The following BRWD3 variants were observed in gnomAD, a reference collection of about 807,000 sequenced individuals.
BRWD3 encodes the protein bromodomain and WD repeat domain containing 3, also known as bromodomain and WD repeat-containing protein 3.
In BRWD3, 10 loss-of-function variants were observed where a neutral mutation model predicts 149.7. The observed-to-expected ratio is 0.07, with a 90% CI of 0.04 to 0.11. The LOEUF (loss-of-function observed/expected upper bound fraction) is 0.11, where lower values mean the gene tolerates loss of function less well. Ranked by LOEUF, BRWD3 falls within the 10% of genes least tolerant of loss-of-function variation. The pLI is 1.00. For synonymous variants in BRWD3, 504 were observed against 456.7 expected (o/e 1.10, Z -1.32); for missense variants, 940 against 1,373.2 (o/e 0.68, Z 4.99).
chrX:80,720,585 TA>T (rs1319908663), intron 17 of BRWD3, among the ~76,000 whole-genome samples: 1 of 111,345 alleles, frequency 9.0e-6, no homozygotes, highest in Admixed American at 9.5e-5. Flanking sequence ...CCAAAAAACC[TA>T]AAAAGTGTTT....
At chrX:80,794,198 T>C (rs1438672246) in intron 4 of BRWD3, among the ~76,000 whole-genome samples, 1 of 109,381 alleles carries the variant, frequency 9.1e-6, no homozygotes, top group Non-Finnish European at 1.9e-5. Flanking sequence ...ATAAAAAAAA[T>C]AAAAATAAAT....
Position 80,695,960 on chromosome X carries a change from G to A in BRWD3, c.3099C>T (p.Phe1033=). ...KYHDMPDVID[F]LVLHQFYNEA... Reference sequence around the variant, plus strand: ...CATTATAAAACTGATGTAGCACAAGGAAGTCAATGACATCCGGCATGTCAT... The same window carrying A: ...CATTATAAAACTGATGTAGCACAAGAAAGTCAATGACATCCGGCATGTCAT... The change falls in exon 27 of 41, where the codon TTC becomes TTT. Residue 1033 remains phenylalanine, a synonymous_variant. Transcript: ENST00000373275. 1 of 1,209,583 alleles carries A rather than the reference G, an allele frequency of 8.3e-7. No homozygotes were observed. The highest frequency in any genetic ancestry group is 1.1e-6 in the Non-Finnish European group (1 of 893,914).
chrX:80,696,519 T>TAAAC (rs2072695853), intron 26 of BRWD3, among the ~76,000 whole-genome samples: 1 of 82,175 alleles, frequency 1.2e-5, no homozygotes, highest in Non-Finnish European at 2.4e-5. Context: ...ATAACATAAA[T>TAAAC]ACACACACAC....
intron 22 of BRWD3, among the ~76,000 whole-genome samples, 161 bp from the exon 23 acceptor site, chrX:80,705,007 C>T (rs913613325): frequency 8.9e-6 from 1 of 111,751 alleles, no homozygotes; most frequent in Non-Finnish European, 1.9e-5. Flanking sequence ...GTGGCTCACA[C>T]CTGTAATCCC....
intron 6 of BRWD3, among the ~76,000 whole-genome samples, chrX:80,768,402 C>A (rs1228172544): frequency 8.9e-6 from 1 of 111,759 alleles, no homozygotes; most frequent in Non-Finnish European, 1.9e-5. Context: ...CTCTACAAGC[C>A]AGAAGAGATT....
At position 80,744,227 on chromosome X, in the gene BRWD3, A is replaced by G; in HGVS notation, c.618T>C (p.Ile206=). Residue 206 remains isoleucine (I), a synonymous_variant, in exon 8 of 41, where the codon ATT becomes ATC. Transcript: ENST00000373275. ...FTGSDDCLVK[I]WATDDGRLLA... ...GAAGGCGTCCATCATCTGTAGCCCA[A>G]ATTTTTACTAAACAGTCATCTGAAC... 1 of 1,209,382 alleles carries G rather than the reference A, an allele frequency of 8.3e-7. No individual in the cohort carries two copies. The highest frequency in any genetic ancestry group is 1.1e-6 in the Non-Finnish European group (1 of 893,213).
chrX:80,712,986 C>T (rs1205580638), intron 20 of BRWD3, among the ~76,000 whole-genome samples: 24 of 108,085 alleles, frequency 2.2e-4, no homozygotes, highest in African/African-American at 4.7e-4. Flanking sequence ...GGAGCGTCTC[C>T]GCCCGGCAGC....
At chrX:80,713,727 G>A (rs1180378788) in intron 20 of BRWD3, among the ~76,000 whole-genome samples, 3 of 111,452 alleles carry the variant, frequency 2.7e-5, no homozygotes, top group Admixed American at 9.4e-5. Context: ...ATAAATCTTA[G>A]ATTACTTCTA....
chrX:80,705,531 G>A (rs976285647), intron 22 of BRWD3, among the ~76,000 whole-genome samples: 2 of 111,042 alleles, frequency 1.8e-5, no homozygotes, highest in Non-Finnish European at 3.8e-5. Flanking sequence ...GTTAACAAAG[G>A]GGATACTTTC....
intron 34 of BRWD3, 73 bp downstream of exon 34, chrX:80,687,996 G>T: frequency 1.3e-6 from 1 of 748,844 alleles, no homozygotes; most frequent in Non-Finnish European, 2.1e-6. Context: ...TCCAAATATG[G>T]GGTTGGTCTT....
intron 4 of BRWD3, among the ~76,000 whole-genome samples, chrX:80,804,054 A>C (rs1602457191): frequency 2.7e-5 from 3 of 112,534 alleles, no homozygotes. Context: ...AATAACAAAC[A>C]ATCTTTATAA....
In BRWD3 at chrX:80,784,299, T is replaced by C. The variant is rs145119587; in HGVS notation, c.430+7555A>G. Among the ~76,000 whole-genome samples, 857 of 112,006 alleles carry C rather than the reference T, an allele frequency of 7.7e-3. 3 individuals carry two copies. Among genetic ancestry groups the C allele is most frequent in the Non-Finnish European group, 0.012 (630 of 53,228 alleles). On this transcript the variant is annotated intron_variant, in intron 6 of 40. Coordinates refer to ENST00000373275, the MANE Select transcript of BRWD3 (RefSeq NM_153252.5). ...TCTAGGTAATTTTATAAAAACTGTT[T>C]AGATTATGATAATTAGGAAAATTCC...
chrX:80,705,725 C>T (rs191755490), intron 22 of BRWD3, among the ~76,000 whole-genome samples: 1 of 111,715 alleles, frequency 9.0e-6, no homozygotes, highest in Admixed American at 9.5e-5. Flanking sequence ...TAACACAATG[C>T]TAAGTATATA....
rs1471539969 is a variant in BRWD3 at position 80,682,493 on chromosome X, T to C, written c.4369A>G (p.Ser1457Gly). 8.3e-7 allele frequency: 1 copy of C among 1,210,687 alleles called. No individual in the cohort carries two copies. ...RYRKRLRSSS[S>G]SLSSSGAPSP... Reference sequence around the variant, plus strand: ...GGTGCTCCACTACTAGATAATGAACTGCTGCTGCTTCTTAGACGTTTTCTG... The same window carrying C: ...GGTGCTCCACTACTAGATAATGAACCGCTGCTGCTTCTTAGACGTTTTCTG... Residue 1457 changes from serine (S) to glycine (G), a missense_variant, in exon 38 of 41, where the codon AGT (serine) becomes GGT (glycine). Coordinates refer to ENST00000373275, the MANE Select transcript of BRWD3 (RefSeq NM_153252.5).
At position 80,709,901 on chromosome X, in the gene BRWD3, T is replaced by A. The variant is rs2072935662; in HGVS notation, c.2326-324A>T. 7 of 704,508 alleles carry A rather than the reference T, an allele frequency of 9.9e-6. No homozygotes were observed. The South Asian group carries it at 1.6e-4, about 16-fold the overall frequency. The allele number at this position is 704,508 out of a possible 1,213,427, so 58.1% of individuals were successfully genotyped here. A position where few individuals can be genotyped will look rare whatever the true frequency, so the allele number is the denominator to read the frequency against. ...CTTGATCCTCAGTTTTGCCAGAGGC[T>A]GCAACCAGACCTGTGCTGGAACCAC... is the stretch of plus-strand genomic sequence containing the variant. On this transcript the variant is annotated intron_variant, in intron 20 of 40. Transcript: ENST00000373275.
chrX:80,764,258 G>A (rs914707770), intron 6 of BRWD3, among the ~76,000 whole-genome samples: 6 of 111,519 alleles, frequency 5.4e-5, no homozygotes, highest in African/African-American at 1.3e-4. Context: ...ACTATCAAAC[G>A]TTTAGAAAAA....
intron 9 of BRWD3, 47 bp downstream of exon 9, chrX:80,735,941 G>T: frequency 1.2e-6 from 1 of 859,256 alleles, no homozygotes; most frequent in Non-Finnish European, 1.7e-6. Flanking sequence ...CAAGGCAATA[G>T]ATAAAAAATT....
intron 8 of BRWD3, among the ~76,000 whole-genome samples, chrX:80,741,827 C>A (rs1391017595): frequency 9.0e-6 from 1 of 111,641 alleles, no homozygotes; most frequent in East Asian, 2.8e-4. Flanking sequence ...GTCAGATGAG[C>A]AGGTTGCAAA....
At chrX:80,758,122 C>G (rs2073763789) in intron 6 of BRWD3, among the ~76,000 whole-genome samples, 1 of 111,276 alleles carries the variant, frequency 9.0e-6, no homozygotes, top group Non-Finnish European at 1.9e-5. Context: ...TTGCTTGAAC[C>G]TGGGAGGCGG....
Sources: allele counts gnomAD v4.1 joint callset (sites outside exome capture counted in the v4.1 genomes callset), GRCh38; gene constraint gnomAD v4.1.1; transcripts MANE v1.5; gene names NCBI Gene and HGNC (gene_info 2026-07-23, HGNC 2026-07-21).